The following RBFOX3 variants were observed in gnomAD, a reference collection of about 807,000 sequenced individuals.
RBFOX3 encodes RNA binding protein fox-1 homolog 3.
A neutral mutation model predicts 48.7 loss-of-function variants in RBFOX3; 17 were observed. That is an observed-to-expected ratio of 0.35 (90% confidence interval 0.24 to 0.52). RBFOX3 has a LOEUF of 0.52. RBFOX3 is among the 20% of genes least tolerant of loss of function. RBFOX3 has a pLI of 0.94. For synonymous variants in RBFOX3, 212 were observed against 209.5 expected, an observed-to-expected ratio of 1.01 and a Z score of -0.10; for missense variants, 382 against 497.5, an observed-to-expected ratio of 0.77 and a Z score of 2.21.
the RBFOX3 span, among the ~76,000 whole-genome samples, chr17:79,656,171 C>T: frequency 2.6e-5 from 4 of 152,144 alleles, no homozygotes; most frequent in South Asian, 2.1e-4. Flanking sequence ...ACCCAGGGGC[C>T]GGCCAACTTG....
rs574219432 is a variant in RBFOX3, at chr17:79,448,484, C to T, written c.-175+33970G>A. On this transcript the variant is annotated intron_variant, in intron 2 of 14. Transcript: ENST00000693108. ...GAAGAATGACACACAGAGAAGGCCA[C>T]GTGGAGACAGAGGCAGGGACTGCAG... 2.1e-4 allele frequency among the ~76,000 whole-genome samples: 32 copies of T among 152,296 alleles called. No individual in the cohort carries two copies. In the South Asian group the frequency reaches 5.0e-3, roughly 24 times the overall value.
At chr17:79,230,886 A>C (rs2060958368) in intron 4 of RBFOX3, among the ~76,000 whole-genome samples, 1 of 152,158 alleles carries the variant, frequency 6.6e-6, no homozygotes, top group African/African-American at 2.4e-5. Context: ...GTAAAGAAGA[A>C]AACAGTTCTG....
chr17:79,577,895 G>T (rs1864290431), intron 1 of RBFOX3, among the ~76,000 whole-genome samples: 1 of 152,248 alleles, frequency 6.6e-6, no homozygotes, highest in East Asian at 1.9e-4. Context: ...TCCCCCTGGT[G>T]CGAGGGTGGC....
At chr17:79,550,440 G>A (rs1273443751) in intron 1 of RBFOX3, among the ~76,000 whole-genome samples, 1 of 78,256 alleles carries the variant, frequency 1.3e-5, no homozygotes, top group African/African-American at 3.9e-5. Context: ...CAAGCTCATG[G>A]TAAGGAAGTA....
chr17:79,262,486 T>A (rs2065950253), intron 3 of RBFOX3, among the ~76,000 whole-genome samples: 1 of 152,254 alleles, frequency 6.6e-6, no homozygotes. Context: ...GATGGGTAGA[T>A]CTCCACTGAT....
chr17:79,273,585 G>C (rs539247613), intron 3 of RBFOX3, among the ~76,000 whole-genome samples: 1 of 150,114 alleles, frequency 6.7e-6, no homozygotes, highest in Non-Finnish European at 1.5e-5. Flanking sequence ...GGCGGGGGCG[G>C]GGTGCTAGCA....
At chr17:79,297,321 C>T (rs927066017) in intron 3 of RBFOX3, among the ~76,000 whole-genome samples, 1 of 152,210 alleles carries the variant, frequency 6.6e-6, no homozygotes, top group Non-Finnish European at 1.5e-5. Flanking sequence ...CAAGGTGCCC[C>T]TCATGTGAGC....
chr17:79,186,896 C>T (rs1481638469), intron 4 of RBFOX3, among the ~76,000 whole-genome samples: 1 of 152,222 alleles, frequency 6.6e-6, no homozygotes, highest in Non-Finnish European at 1.5e-5. Flanking sequence ...CTGGCAGGGG[C>T]CTTGGAGGGT....
chr17:79,223,669 GAATA>G (rs1429502645), intron 4 of RBFOX3, among the ~76,000 whole-genome samples: 3 of 152,308 alleles, frequency 2.0e-5, no homozygotes, highest in East Asian at 1.9e-4. Context: ...CAGCAGCTAT[GAATA>G]AATAATGATG....
At chr17:79,367,537 C>T (rs549298101) in intron 2 of RBFOX3, among the ~76,000 whole-genome samples, 2 of 152,230 alleles carry the variant, frequency 1.3e-5, no homozygotes, top group African/African-American at 4.8e-5. Flanking sequence ...GAGACCGAGA[C>T]AAGAGAAGAC....
In RBFOX3 at chr17:79,363,582, G is replaced by A. The variant is rs1015002585; in HGVS notation, c.-174-55758C>T. On this transcript the variant is annotated intron_variant, in intron 2 of 14. Transcript: ENST00000693108. This position sits in a 1 kb window ranked among gnomAD's most constrained non-coding sequence, Gnocchi z 4.7. ...TCCTGTTCCTGCCCAGCTTCCCTGG[G>A]GGGTCTCCGCGAGCAACATACCTCT... is the stretch of plus-strand genomic sequence containing the variant. 2.0e-5 allele frequency among the ~76,000 whole-genome samples: 3 copies of A among 151,976 alleles called. No homozygotes were observed. The highest frequency in any genetic ancestry group is 4.8e-5 in the African/African-American group (2 of 41,352).
At chr17:79,134,100 G>A (rs548259371) in intron 4 of RBFOX3, among the ~76,000 whole-genome samples, 1 of 152,340 alleles carries the variant, frequency 6.6e-6, no homozygotes, top group East Asian at 1.9e-4. Flanking sequence ...CCCCACCCTT[G>A]CACTCTGCAC....
chr17:79,503,501 A>G (rs2082646097), intron 1 of RBFOX3, among the ~76,000 whole-genome samples: 1 of 152,232 alleles, frequency 6.6e-6, no homozygotes, highest in African/African-American at 2.4e-5. Context: ...TACAGGGACT[A>G]TCAATGGGAG....
chr17:79,174,036 C>G (rs889708226), intron 4 of RBFOX3, among the ~76,000 whole-genome samples: 3 of 152,068 alleles, frequency 2.0e-5, no homozygotes, highest in Non-Finnish European at 4.4e-5. Flanking sequence ...GAAGTCCCAT[C>G]CGCTTATTAG....
At chr17:79,606,150 C>A (rs1487254861) in intron 1 of RBFOX3, among the ~76,000 whole-genome samples, 2 of 152,218 alleles carry the variant, frequency 1.3e-5, no homozygotes, top group South Asian at 2.1e-4. Context: ...TGTCTAGAGA[C>A]CAGGAAGAAA....
At chr17:79,298,881 C>T (rs755049894) in intron 3 of RBFOX3, among the ~76,000 whole-genome samples, 13 of 152,284 alleles carry the variant, frequency 8.5e-5, no homozygotes, top group South Asian at 2.1e-4. Flanking sequence ...CTGCTGGATG[C>T]GAGTGATGTT....
intron 3 of RBFOX3, among the ~76,000 whole-genome samples, chr17:79,303,568 T>G (rs1009264943): frequency 6.6e-6 from 1 of 152,138 alleles, no homozygotes; most frequent in African/African-American, 2.4e-5. Context: ...GCTTGCCTCC[T>G]GAAATAATAA....
At chr17:79,138,906 C>CCCCT (rs1175067516) in intron 4 of RBFOX3, among the ~76,000 whole-genome samples, 2 of 134,416 alleles carry the variant, frequency 1.5e-5, no homozygotes, top group African/African-American at 5.5e-5. Context: ...GCATTCACAC[C>CCCCT]CTCACCCGCA....
At chr17:79,401,605 G>C (rs117638838) in intron 2 of RBFOX3, among the ~76,000 whole-genome samples, 4,152 of 152,264 alleles carry the variant, frequency 0.027, 86 homozygotes, top group Non-Finnish European at 0.043. Flanking sequence ...ACTTTTAAAG[G>C]AGACAACACT....
Sources: gnomAD v4.1 joint callset for allele counts (sites outside exome capture counted in the v4.1 genomes callset) on GRCh38, gnomAD v4.1.1 for gene constraint, Gnocchi (gnomAD v3.1) non-coding constraint, MANE v1.5 for transcripts, NCBI Gene and HGNC (gene_info 2026-07-23, HGNC 2026-07-21) for gene names.